TXLNB: variants seen among roughly 807,000 people sequenced by gnomAD.
TXLNB encodes beta-taxilin.
TXLNB carries 37 observed loss-of-function variants against 57.4 expected under a neutral mutation model. The observed-to-expected ratio is 0.64, with a 90% CI of 0.50 to 0.85. TXLNB has a LOEUF of 0.85. TXLNB is among the 40% of genes least tolerant of loss of function. TXLNB has a pLI of 0.00. For synonymous variants in TXLNB, 302 were observed against 309.6 expected (o/e 0.98, Z 0.26); for missense variants, 848 against 825.6 (o/e 1.03, Z -0.33).
chr6:139,205,473 T>C, the TXLNB span, among the ~76,000 whole-genome samples: 2 of 151,702 alleles, frequency 1.3e-5, no homozygotes, highest in African/African-American at 4.8e-5. Context: ...ATAGATATCA[T>C]AGAGAAAAAA....
chr6:139,174,090 T>G, the TXLNB span, among the ~76,000 whole-genome samples: 1 of 152,214 alleles, frequency 6.6e-6, no homozygotes, highest in East Asian at 1.9e-4. Context: ...GTGGCTTTGT[T>G]ACTTGAATTT....
the TXLNB span, among the ~76,000 whole-genome samples, chr6:139,181,818 A>G: frequency 6.6e-6 from 1 of 152,376 alleles, no homozygotes; most frequent in Middle Eastern, 3.4e-3. Context: ...CTTATGCTTT[A>G]TAAATGGTAC....
At chr6:139,287,960 G>C (rs751553587) in intron 2 of TXLNB, among the ~76,000 whole-genome samples, 1 of 152,194 alleles carries the variant, frequency 6.6e-6, no homozygotes, top group Non-Finnish European at 1.5e-5. Flanking sequence ...ACAAAGACTA[G>C]GCATTAATAA....
At chr6:139,204,459 CTA>C in the TXLNB span, among the ~76,000 whole-genome samples, 1 of 152,182 alleles carries the variant, frequency 6.6e-6, no homozygotes. Context: ...CCATCCCTAA[CTA>C]TATCTCATAG....
At chr6:139,234,177 A>G in the TXLNB span, 7 of 152,370 alleles carry the variant, frequency 4.6e-5, no homozygotes, top group Admixed American at 2.0e-4. Context: ...GAAGCAGAGC[A>G]TAAAGGTTTG....
intron 7 of TXLNB, among the ~76,000 whole-genome samples, chr6:139,249,531 C>A (rs917898556): frequency 6.6e-6 from 1 of 152,126 alleles, no homozygotes; most frequent in Non-Finnish European, 1.5e-5. Context: ...AGGCACCGAC[C>A]GGTGTTATCA....
At chr6:139,164,407 A>G in the TXLNB span, among the ~76,000 whole-genome samples, 2 of 152,116 alleles carry the variant, frequency 1.3e-5, no homozygotes, top group Non-Finnish European at 2.9e-5. Flanking sequence ...TGGGTGGGCT[A>G]CAGATACTGA....
At chr6:139,195,599 G>A in the TXLNB span, among the ~76,000 whole-genome samples, 4 of 152,320 alleles carry the variant, frequency 2.6e-5, no homozygotes, top group South Asian at 8.3e-4. Context: ...AGATTTACAT[G>A]AGGTCCATCT....
chr6:139,175,729 G>A, the TXLNB span, among the ~76,000 whole-genome samples: 6 of 152,112 alleles, frequency 3.9e-5, no homozygotes, highest in Non-Finnish European at 8.8e-5. Flanking sequence ...TGCACCGTGT[G>A]ACTCCTGTTC....
At chr6:139,287,167 C>T (rs1344139357) in intron 2 of TXLNB, 3 of 152,710 alleles carry the variant, frequency 2.0e-5, no homozygotes, top group Non-Finnish European at 4.4e-5. Context: ...GGAGATGTGA[C>T]CAGCTGCACA....
chr6:139,248,331 A>G (rs1776116440), intron 7 of TXLNB, among the ~76,000 whole-genome samples: 1 of 151,824 alleles, frequency 6.6e-6, no homozygotes, highest in African/African-American at 2.4e-5. Flanking sequence ...CCCCGTCTCT[A>G]CTAAAAATAC....
At chr6:139,237,154 T>A (rs1196591467), downstream of TXLNB, among the ~76,000 whole-genome samples, 1 of 152,202 alleles carries the variant, frequency 6.6e-6, no homozygotes, top group Non-Finnish European at 1.5e-5. Context: ...CTTAAGATCT[T>A]ACCCTCTATA....
chr6:139,171,375 T>C, the TXLNB span, among the ~76,000 whole-genome samples: 3 of 152,176 alleles, frequency 2.0e-5, no homozygotes, highest in Non-Finnish European at 1.5e-5. Flanking sequence ...CATACATAAA[T>C]AGATAATGCG....
At chr6:139,290,897 TG>T (rs1388278462) in intron 1 of TXLNB, among the ~76,000 whole-genome samples, 9 of 152,228 alleles carry the variant, frequency 5.9e-5, no homozygotes, top group South Asian at 2.1e-4. Flanking sequence ...AGATGTCAAT[TG>T]AATGCTCAGA....
At chr6:139,270,072 G>C (rs1776718407) in intron 4 of TXLNB, among the ~76,000 whole-genome samples, 1 of 152,002 alleles carries the variant, frequency 6.6e-6, no homozygotes, top group Non-Finnish European at 1.5e-5. Flanking sequence ...CACCAAAAAT[G>C]CTGAATCTTT....
the TXLNB span, among the ~76,000 whole-genome samples, chr6:139,304,794 G>A: frequency 6.6e-6 from 1 of 152,132 alleles, no homozygotes; most frequent in Non-Finnish European, 1.5e-5. Context: ...TCTCACCGCT[G>A]GTCTCCGTAT....
intron 4 of TXLNB, among the ~76,000 whole-genome samples, chr6:139,267,694 T>G (rs1199665243): frequency 1.3e-5 from 2 of 152,080 alleles, no homozygotes; most frequent in Admixed American, 6.6e-5. Context: ...ACTGTAGGAA[T>G]GAAAAGAAGT....
intron 3 of TXLNB, chr6:139,271,326 C>A (rs1776758008): frequency 6.6e-6 from 1 of 152,262 alleles, no homozygotes; most frequent in South Asian, 2.1e-4. Context: ...GTGCTTATAA[C>A]AAATAAATCA....
chr6:139,174,261 T>G, the TXLNB span: 1 of 1,154,692 alleles, frequency 8.7e-7, no homozygotes, highest in Non-Finnish European at 1.2e-6. Context: ...TGATTTTTCT[T>G]TTTATATTTA....
Sources: gnomAD v4.1 joint callset for allele counts (sites outside exome capture counted in the v4.1 genomes callset) on GRCh38, gnomAD v4.1.1 for gene constraint, MANE v1.5 for transcripts, NCBI Gene and HGNC (gene_info 2026-07-23, HGNC 2026-07-21) for gene names.